The following NAALADL2 variants were observed in gnomAD, a reference collection of about 807,000 sequenced individuals.
NAALADL2 encodes the protein N-acetylated alpha-linked acidic dipeptidase like 2.
Under a neutral mutation model 87.2 loss-of-function variants are expected in NAALADL2, and 76 were observed. The ratio of observed to expected loss-of-function variants is 0.87; its 90% CI spans 0.72 to 1.05. The LOEUF is 1.05. Ranked by LOEUF, NAALADL2 falls within the 50% of genes least tolerant of loss-of-function variation. The pLI is 0.00. For missense variants in NAALADL2, 1,089 were observed against 945.8 expected (o/e 1.15, Z -1.99); for synonymous variants, 354 against 331.0 (o/e 1.07, Z -0.75).
intron 11 of NAALADL2, among the ~76,000 whole-genome samples, chr3:175,717,380 GT>G (rs1014082300): frequency 6.6e-6 from 1 of 151,784 alleles, no homozygotes; most frequent in Middle Eastern, 3.2e-3. Flanking sequence ...AAGATTTTTT[GT>G]TTTTTTAAAT....
chr3:174,970,742 G>T (rs1743511411), intron 1 of NAALADL2, among the ~76,000 whole-genome samples: 1 of 151,996 alleles, frequency 6.6e-6, no homozygotes. Context: ...AGCATACTAG[G>T]CTCTTAATTT....
intron 9 of NAALADL2, among the ~76,000 whole-genome samples, chr3:175,574,655 C>T (rs910330003): frequency 4.6e-5 from 7 of 152,130 alleles, no homozygotes; most frequent in African/African-American, 1.7e-4. Flanking sequence ...TTTTCTCACT[C>T]TAGTAAGTCC....
intron 3 of NAALADL2, among the ~76,000 whole-genome samples, chr3:174,749,378 G>C (rs559351328): frequency 1.3e-3 from 195 of 152,128 alleles, no homozygotes; most frequent in African/African-American, 4.5e-3. Flanking sequence ...TGTCTAAAAC[G>C]ATTGTTAATG....
chr3:174,929,544 A>T (rs529472423), intron 1 of NAALADL2, among the ~76,000 whole-genome samples: 1 of 152,296 alleles, frequency 6.6e-6, no homozygotes, highest in Middle Eastern at 3.4e-3. Flanking sequence ...GTATGTGTAC[A>T]TATACAATAC....
chr3:174,683,323 G>C (rs1047016258), intron 2 of NAALADL2, among the ~76,000 whole-genome samples: 2 of 152,112 alleles, frequency 1.3e-5, no homozygotes, highest in Non-Finnish European at 2.9e-5. Flanking sequence ...GATAGAGAGA[G>C]ATACAGGTAG....
At chr3:174,810,483 T>C (rs1720050928) in intron 3 of NAALADL2, among the ~76,000 whole-genome samples, 1 of 152,034 alleles carries the variant, frequency 6.6e-6, no homozygotes, top group Non-Finnish European at 1.5e-5. Flanking sequence ...CCTAGGGATC[T>C]GTGGAACTTT....
chr3:175,161,582 A>G (rs377341684), intron 2 of NAALADL2, among the ~76,000 whole-genome samples: 31 of 152,254 alleles, frequency 2.0e-4, no homozygotes, highest in African/African-American at 7.2e-4. Context: ...AGTAGTAGAT[A>G]TAGAGTCTGT....
intron 6 of NAALADL2, among the ~76,000 whole-genome samples, chr3:175,456,993 C>T (rs1255891620): frequency 6.6e-6 from 1 of 152,040 alleles, no homozygotes; most frequent in African/African-American, 2.4e-5. Context: ...TGAGGATATT[C>T]AAGCTCTGAA....
At chr3:174,469,371 C>T (rs1716752687) in intron 1 of NAALADL2, among the ~76,000 whole-genome samples, 3 of 151,828 alleles carry the variant, frequency 2.0e-5, no homozygotes, top group South Asian at 4.2e-4. Context: ...GGTTCTTCTG[C>T]GTCAGCCTCC....
chr3:175,309,274 C>G (rs934874557), intron 4 of NAALADL2, among the ~76,000 whole-genome samples: 1 of 152,090 alleles, frequency 6.6e-6, no homozygotes, highest in Non-Finnish European at 1.5e-5. Flanking sequence ...TAACCTCTAC[C>G]TCCCGGGTTC....
chr3:175,517,162 G>T (rs1731961267), intron 9 of NAALADL2, among the ~76,000 whole-genome samples: 1 of 152,072 alleles, frequency 6.6e-6, no homozygotes, highest in African/African-American at 2.4e-5. Context: ...TTCTTCCAAA[G>T]TTTCTACTCC....
At chr3:175,038,724 G>A (rs1355521239) in intron 1 of NAALADL2, among the ~76,000 whole-genome samples, 1 of 151,908 alleles carries the variant, frequency 6.6e-6, no homozygotes, top group Admixed American at 6.6e-5. Context: ...TTCTGATTCA[G>A]AATATCTGGG....
chr3:175,647,569 A>G (rs1398427084), intron 11 of NAALADL2, among the ~76,000 whole-genome samples: 1 of 152,186 alleles, frequency 6.6e-6, no homozygotes, highest in Non-Finnish European at 1.5e-5. Flanking sequence ...TCTCTTAGAT[A>G]GAGGACTGGA....
intron 2 of NAALADL2, among the ~76,000 whole-genome samples, chr3:174,731,669 C>A (rs1432162914): frequency 1.3e-5 from 2 of 152,044 alleles, no homozygotes; most frequent in African/African-American, 4.8e-5. Flanking sequence ...GATTGCTGGG[C>A]CCTATCTCAA....
At chr3:174,848,007 C>T (rs6786202) in intron 3 of NAALADL2, among the ~76,000 whole-genome samples, 53,497 of 127,852 alleles carry the variant, frequency 0.42, 10,401 homozygotes, top group African/African-American at 0.56. Flanking sequence ...TTTTCTCTCT[C>T]TTTTTTTTTT....
Position 175,137,025 on chromosome 3 carries a change from TTAA to T in NAALADL2, c.545+39736_545+39738del, listed in dbSNP as rs962554619. Among the ~76,000 whole-genome samples, 55 of 152,298 alleles carry T rather than the reference TTAA, an allele frequency of 3.6e-4. 1 individual carries two copies. The highest frequency in any genetic ancestry group is 1.2e-3 in the African/African-American group (51 of 41,580). On this transcript the variant is annotated intron_variant, in intron 2 of 13. Transcript: ENST00000454872. ...CCAATTAAACTTTTGTTCTGGGAAC[TTAA>T]TGATGGAATTTGTTGAAATTGACCC...
intron 2 of NAALADL2, among the ~76,000 whole-genome samples, chr3:175,143,111 A>G (rs1181063864): frequency 6.6e-6 from 1 of 151,756 alleles, no homozygotes; most frequent in African/African-American, 2.4e-5. Flanking sequence ...ACTTGCTTCA[A>G]CCTCTTCATT....
chr3:175,794,659 A>G (rs961056425), intron 13 of NAALADL2, among the ~76,000 whole-genome samples: 3 of 152,230 alleles, frequency 2.0e-5, no homozygotes, highest in African/African-American at 7.2e-5. Context: ...TCTTGACAGT[A>G]ACTGCAAAAG....
At chr3:175,011,914 T>G (rs879412186) in intron 1 of NAALADL2, among the ~76,000 whole-genome samples, 1 of 152,154 alleles carries the variant, frequency 6.6e-6, no homozygotes, top group Non-Finnish European at 1.5e-5. Context: ...GGGAAACATG[T>G]TAAAGCATGC....
Sources: allele counts gnomAD v4.1 joint callset (sites outside exome capture counted in the v4.1 genomes callset), GRCh38; gene constraint gnomAD v4.1.1; transcripts MANE v1.5; gene names NCBI Gene and HGNC (gene_info 2026-07-23, HGNC 2026-07-21).